Variants in DNAH3 observed in about 807,000 individuals in gnomAD.
The protein encoded by DNAH3 is axonemal beta dynein heavy chain 3.
In DNAH3, 332 loss-of-function variants were observed where a neutral mutation model predicts 432.5. The ratio of observed to expected loss-of-function variants is 0.77; its 90% CI spans 0.70 to 0.84. The LOEUF (loss-of-function observed/expected upper bound fraction) is 0.84. DNAH3 is among the 40% of genes least tolerant of loss of function. DNAH3 has a pLI of 0.00. For missense variants in DNAH3, 4,861 were observed against 5,114.0 expected (o/e 0.95, Z 1.51); for synonymous variants, 1,956 against 1,900.2 (o/e 1.03, Z -0.76).
intron 49 of DNAH3, among the ~76,000 whole-genome samples, chr16:20,982,085 T>G (rs1447695265): frequency 6.6e-6 from 1 of 150,878 alleles, no homozygotes; most frequent in East Asian, 1.9e-4. Context: ...ATTTTCACCC[T>G]TATAGGAACT....
intron 44 of DNAH3, among the ~76,000 whole-genome samples, chr16:20,993,005 A>G (rs1038498450): frequency 1.3e-5 from 2 of 152,126 alleles, no homozygotes; most frequent in Non-Finnish European, 2.9e-5. Context: ...AGCTGGGACT[A>G]CAGGCTTGCA....
chr16:20,997,008 G>C lies in DNAH3; in HGVS notation c.6601+275C>G, dbSNP rs554377724. 1.7e-5 allele frequency: 6 copies of C among 347,396 alleles called. No homozygotes were observed. The South Asian group carries it at 4.3e-4, about 25-fold the overall frequency. 21.5% of individuals were successfully genotyped at this position (347,396 alleles called of 1,614,324 possible). A position where few individuals can be genotyped will look rare whatever the true frequency, so the allele number is the denominator to read the frequency against. On this transcript the variant is annotated intron_variant, in intron 44 of 61. Transcript: ENST00000261383. ...GCTTCTGGATGGAGCCTCCCTCCCG[G>C]AACACATGCTGGCCACACTGAACTC...
chr16:21,116,347 G>A lies in DNAH3; in HGVS notation c.1814+856C>T, dbSNP rs184322731. On this transcript the variant is annotated intron_variant, in intron 12 of 61. Coordinates refer to ENST00000261383, the Ensembl canonical transcript of DNAH3. ...TGGGAGGTAATTTAATCATGAGAGCGGTTACCCTCATGCTGTTCTCGTGAC... is the reference window on the plus strand; with the variant it reads ...TGGGAGGTAATTTAATCATGAGAGCAGTTACCCTCATGCTGTTCTCGTGAC... 2.4e-3 allele frequency among the ~76,000 whole-genome samples: 361 copies of A among 151,890 alleles called. 3 individuals carry two copies. Among genetic ancestry groups the A allele is most frequent in the African/African-American group, 8.1e-3 (337 of 41,440 alleles).
At chr16:20,989,286 C>T (rs4389133) in intron 44 of DNAH3, among the ~76,000 whole-genome samples, 47,290 of 151,422 alleles carry the variant, frequency 0.31, 7,654 homozygotes, top group South Asian at 0.5. Context: ...AGATACAGAG[C>T]ATCTACACAA....
chr16:21,039,778 C>A, intron 33 of DNAH3, 74 bp downstream of exon 33: 1 of 1,103,916 alleles, frequency 9.1e-7, no homozygotes. Context: ...ATGGGCAAAC[C>A]ACCTTGAATC....
At position 20,997,279 on chromosome 16, in the gene DNAH3, A is replaced by T. The variant is rs538487450; in HGVS notation, c.6601+4T>A. On this transcript the variant is annotated splice_donor_region_variant and intron_variant, in intron 44 of 61. Coordinates refer to ENST00000261383, the Ensembl canonical transcript of DNAH3. ...AAGAGGAATGAGCTCTTCCCTTCAC[A>T]TACCAGTAATGTCATTCCTTCCTCC... 5 of 1,613,370 alleles carry T rather than the reference A, an allele frequency of 3.1e-6. No homozygotes were observed. Among genetic ancestry groups the T allele is most frequent in the Non-Finnish European group, 3.4e-6 (4 of 1,179,656 alleles).
At chr16:21,143,247 G>C (rs2092742758) in intron 3 of DNAH3, among the ~76,000 whole-genome samples, 1 of 152,132 alleles carries the variant, frequency 6.6e-6, no homozygotes, top group African/African-American at 2.4e-5. Flanking sequence ...AAATTAGTAT[G>C]TTGAACCTTA....
At chr16:21,018,938 C>T (rs2088001016) in intron 41 of DNAH3, among the ~76,000 whole-genome samples, 1 of 151,642 alleles carries the variant, frequency 6.6e-6, no homozygotes, top group Non-Finnish European at 1.5e-5. Context: ...ATATTAATAC[C>T]ATAAGTACCC....
exon 51 of DNAH3, chr16:20,975,236 G>C (rs775940217): frequency 6.2e-7 from 1 of 1,612,990 alleles, no homozygotes; most frequent in Non-Finnish European, 8.5e-7. Context: ...TTTCTACCTT[G>C]ATTCCTTGGG....
At chr16:21,159,227 G>T in intron 1 of DNAH3, 1 of 1,085,040 alleles carries the variant, frequency 9.2e-7, no homozygotes, top group Non-Finnish European at 1.4e-6. Flanking sequence ...ATCAAAGGGG[G>T]CTTCTTTACC....
At chr16:20,991,566 A>G (rs2086560508) in intron 44 of DNAH3, among the ~76,000 whole-genome samples, 1 of 152,060 alleles carries the variant, frequency 6.6e-6, no homozygotes, top group African/African-American at 2.4e-5. Context: ...ACCTGGCCTC[A>G]TATGTATTTC....
intron 9 of DNAH3, among the ~76,000 whole-genome samples, chr16:21,123,862 G>A (rs1008464044): frequency 2.0e-5 from 3 of 151,886 alleles, no homozygotes; most frequent in Non-Finnish European, 1.5e-5. Context: ...GCGTGATCTC[G>A]GCTCACTGCA....
chr16:21,017,104 G>C (rs1470252788), intron 41 of DNAH3, among the ~76,000 whole-genome samples: 3 of 152,146 alleles, frequency 2.0e-5, no homozygotes, highest in Non-Finnish European at 2.9e-5. Context: ...CCAACAATGT[G>C]AATGTACTTA....
intron 31 of DNAH3, among the ~76,000 whole-genome samples, chr16:21,043,038 A>G (rs1449013787): frequency 6.6e-6 from 1 of 152,196 alleles, no homozygotes; most frequent in Non-Finnish European, 1.5e-5. Context: ...TCCATGGTGC[A>G]TATGTGCCAC....
intron 28 of DNAH3, among the ~76,000 whole-genome samples, chr16:21,053,162 G>A (rs1348487157): frequency 1.3e-5 from 2 of 152,222 alleles, no homozygotes; most frequent in East Asian, 3.9e-4. Context: ...CTTCCATTGA[G>A]CCTTTCCTTC....
chr16:21,102,150 C>A (rs548733929), intron 16 of DNAH3, among the ~76,000 whole-genome samples: 2 of 152,306 alleles, frequency 1.3e-5, no homozygotes, highest in South Asian at 4.1e-4. Context: ...GAGCCCAGGG[C>A]TGCCCTGCTG....
chr16:21,072,236 A>ATTT (rs148820116), intron 21 of DNAH3, among the ~76,000 whole-genome samples: 4 of 147,474 alleles, frequency 2.7e-5, no homozygotes, highest in South Asian at 2.1e-4. Context: ...TTAATTAATT[A>ATTT]ATTAATTTTA....
chr16:21,140,343 ACT>A (rs958256465), intron 5 of DNAH3, 191 bp downstream of exon 6: 16 of 532,002 alleles, frequency 3.0e-5, no homozygotes, highest in African/African-American at 7.6e-5. Context: ...ATGTACACAC[ACT>A]CTCTCTCCTT....
chr16:21,049,604 C>T, exon 31 of DNAH3: 1 of 1,614,190 alleles, frequency 6.2e-7, no homozygotes, highest in Non-Finnish European at 8.5e-7. Context: ...CACGCCCATG[C>T]TCCAGCCTGT....
Sources: gnomAD v4.1 joint callset for allele counts (sites outside exome capture counted in the v4.1 genomes callset) on GRCh38, gnomAD v4.1.1 for gene constraint, MANE v1.5 for transcripts, NCBI Gene and HGNC (gene_info 2026-07-23, HGNC 2026-07-21) for gene names.